Variants in CYP2J2 observed in about 807,000 individuals in gnomAD.
The protein encoded by CYP2J2 is cytochrome P450 2J2.
A neutral mutation model predicts 48.8 loss-of-function variants in CYP2J2; 41 were observed. The observed-to-expected ratio is 0.84, with a 90% CI of 0.66 to 1.09. The LOEUF (loss-of-function observed/expected upper bound fraction) is 1.09, where lower values mean the gene tolerates loss of function less well. Among genes scored for constraint, CYP2J2 ranks in the 50% least tolerant of loss-of-function variants. The probability of loss-of-function intolerance (pLI) is 0.00; values close to 1 mark genes in which losing one functional copy is unlikely to be tolerated. For missense variants in CYP2J2, 644 were observed against 617.3 expected (o/e 1.04, Z -0.46); for synonymous variants, 221 against 227.1 (o/e 0.97, Z 0.24).
At chr1:59,894,572 G>T (rs1373863155) in intron 8 of CYP2J2, among the ~76,000 whole-genome samples, 1 of 152,160 alleles carries the variant, frequency 6.6e-6, no homozygotes, top group East Asian at 1.9e-4. Flanking sequence ...TCCTAACCAC[G>T]TGATTGGGGC....
the CYP2J2 span, among the ~76,000 whole-genome samples, chr1:59,959,963 T>A: frequency 6.6e-6 from 1 of 152,156 alleles, no homozygotes; most frequent in Non-Finnish European, 1.5e-5. Context: ...GCTCGGGTGA[T>A]GGGTGTATCA....
chr1:59,958,652 CTCT>C, the CYP2J2 span, among the ~76,000 whole-genome samples: 1 of 151,598 alleles, frequency 6.6e-6, no homozygotes, highest in Non-Finnish European at 1.5e-5. Context: ...GTAACTTACT[CTCT>C]TTTTTTCCAC....
At chr1:59,941,125 T>C in the CYP2J2 span, among the ~76,000 whole-genome samples, 2 of 152,250 alleles carry the variant, frequency 1.3e-5, no homozygotes, top group Non-Finnish European at 2.9e-5. Context: ...CTGTGACAGA[T>C]TGAACTCTAA....
At chr1:59,939,374 G>A in the CYP2J2 span, among the ~76,000 whole-genome samples, 14 of 152,232 alleles carry the variant, frequency 9.2e-5, no homozygotes, top group East Asian at 2.3e-3. Context: ...AGATCTCGAA[G>A]AATTCTCAGG....
intron 7 of CYP2J2, 97 bp from the exon 8 acceptor site, chr1:59,901,200 T>C: frequency 1.6e-6 from 2 of 1,276,612 alleles, no homozygotes; most frequent in Non-Finnish European, 1.1e-6. Context: ...GCCGGGGGCC[T>C]GAACATACTG....
chr1:59,949,691 T>TG, the CYP2J2 span, among the ~76,000 whole-genome samples: 1 of 127,986 alleles, frequency 7.8e-6, no homozygotes, highest in Admixed American at 9.0e-5. Flanking sequence ...TCTTGATCTG[T>TG]GACTGGAAGC....
intron 2 of CYP2J2, 105 bp downstream of exon 2, chr1:59,915,833 G>T (rs1234122796): frequency 5.6e-6 from 6 of 1,077,024 alleles, no homozygotes; most frequent in Non-Finnish European, 6.6e-6. Flanking sequence ...TTATTATGGG[G>T]CTGGTTTCTA....
chr1:59,893,738 TG>T lies in CYP2J2; in HGVS notation c.1421del (p.Pro474GlnfsTer6). 1 of 1,613,392 alleles carries T rather than the reference TG, an allele frequency of 6.2e-7. No homozygotes were observed. Among genetic ancestry groups the T allele is most frequent in the Non-Finnish European group, 8.5e-7 (1 of 1,179,700 alleles). On this transcript the variant is annotated frameshift_variant, in exon 9 of 9. Coordinates refer to ENST00000371204, the MANE Select transcript of CYP2J2 (RefSeq NM_000775.4). LOFTEE classifies it low-confidence loss of function (END_TRUNC). Reference protein sequence around the residue: ...SLMQKFTFRPPNNEKLSLKFR... With the variant: ...SLMQKFTFRPXNNEKLSLKFR... ...ACTTCAGGCTCAGCTTCTCATTGTTTGGGGGCCTGAAGGTAAATTTTTGCAT... is the reference window on the plus strand; with the variant it reads ...ACTTCAGGCTCAGCTTCTCATTGTTTGGGGCCTGAAGGTAAATTTTTGCAT...
In CYP2J2 at chr1:59,909,885, G is replaced by GT. The variant is rs1644396961; in HGVS notation, c.759dup (p.Leu254ThrfsTer10). The GT allele has an allele frequency of 6.2e-7, 1 of 1,611,972 alleles. No homozygotes were observed. The highest frequency in any genetic ancestry group is 8.5e-7 in the Non-Finnish European group (1 of 1,179,048). On this transcript the variant is annotated frameshift_variant, in exon 5 of 9. Coordinates refer to ENST00000371204, the MANE Select transcript of CYP2J2 (RefSeq NM_000775.4). LOFTEE classifies it high-confidence loss of function. ...ATCATATGAGAAACAAACAATTTCA[G>GT]TTTTTTCCAGTTGCTGAAGAGAGTT...
chr1:59,900,283 T>C (rs1258677459), intron 8 of CYP2J2, among the ~76,000 whole-genome samples: 1 of 152,162 alleles, frequency 6.6e-6, no homozygotes, highest in Non-Finnish European at 1.5e-5. Flanking sequence ...TATTTCTGTG[T>C]GAGTGGGCAG....
At chr1:59,907,761 C>A in intron 6 of CYP2J2, 25 bp downstream of exon 6, 1 of 1,613,490 alleles carries the variant, frequency 6.2e-7, no homozygotes, top group Non-Finnish European at 8.5e-7. Flanking sequence ...TGTCCTGGTT[C>A]AGGCTTACTC....
At chr1:59,924,498 C>T (rs1644545843) in intron 1 of CYP2J2, among the ~76,000 whole-genome samples, 2 of 152,014 alleles carry the variant, frequency 1.3e-5, no homozygotes, top group South Asian at 4.1e-4. Context: ...AGAGATAACA[C>T]TTACAACAAT....
the CYP2J2 span, among the ~76,000 whole-genome samples, chr1:59,943,707 T>C: frequency 4.6e-5 from 7 of 151,580 alleles, no homozygotes; most frequent in Non-Finnish European, 1.0e-4. Context: ...CAAAGGGTTG[T>C]AGGGAAAGAA....
At chr1:59,954,588 C>CA in the CYP2J2 span, among the ~76,000 whole-genome samples, 1 of 144,922 alleles carries the variant, frequency 6.9e-6, no homozygotes, top group Admixed American at 6.9e-5. Context: ...CTTGGTGGGT[C>CA]GGGGGGGGAT....
the CYP2J2 span, among the ~76,000 whole-genome samples, chr1:59,958,721 TC>T: frequency 6.6e-6 from 1 of 152,198 alleles, no homozygotes; most frequent in African/African-American, 2.4e-5. Flanking sequence ...TCATTCTCCA[TC>T]CAACACCTTA....
rs78129337 is a variant in CYP2J2, at chr1:59,911,277, G to A, written c.684+331C>T. Among the ~76,000 whole-genome samples the A allele has an allele frequency of 7.9e-3, 1,198 of 152,278 alleles. 17 individuals are homozygous for A. Among genetic ancestry groups the A allele is most frequent in the African/African-American group, 0.027 (1,124 of 41,562 alleles). The stretch of plus-strand genomic sequence containing the variant: ...CCTCTGAGGGAGGAGGGAAATGGAC[G>A]AGTTGGGGAAGGACACAGAGAGGAG... On this transcript the variant is annotated intron_variant, in intron 4 of 8. Coordinates refer to ENST00000371204, the MANE Select transcript of CYP2J2 (RefSeq NM_000775.4).
chr1:59,907,893 T>TC lies in CYP2J2; in HGVS notation c.895dup (p.Glu299GlyfsTer42). The TC allele has an allele frequency of 6.2e-7, 1 of 1,614,114 alleles. No homozygotes were observed. Among genetic ancestry groups the TC allele is most frequent in the South Asian group, 1.1e-5 (1 of 91,086 alleles). On this transcript the variant is annotated frameshift_variant, in exon 6 of 9. Coordinates refer to ENST00000371204, the MANE Select transcript of CYP2J2 (RefSeq NM_000775.4). LOFTEE classifies it high-confidence loss of function. ...GTCCAGGGTGCTGCAGATGAGGTTT[T>TC]CTTCATGGAAACTTGAAGTAGGATT...
the CYP2J2 span, among the ~76,000 whole-genome samples, chr1:59,968,352 T>A: frequency 6.6e-6 from 1 of 152,096 alleles, no homozygotes; most frequent in Non-Finnish European, 1.5e-5. Context: ...ACCCTTGCTT[T>A]TTCTGTCTTG....
chr1:59,926,475 T>G, intron 1 of CYP2J2, 62 bp downstream of exon 1: 1 of 1,447,544 alleles, frequency 6.9e-7, no homozygotes, highest in Non-Finnish European at 9.7e-7. Context: ...TGCCGGAACG[T>G]CCCTTGTGCT....
Sources: gnomAD v4.1 joint callset for allele counts (sites outside exome capture counted in the v4.1 genomes callset) on GRCh38, gnomAD v4.1.1 for gene constraint, MANE v1.5 for transcripts, NCBI Gene and HGNC (gene_info 2026-07-23, HGNC 2026-07-21) for gene names.